Variants in PTGR3 observed in about 807,000 individuals in gnomAD.
PTGR3 encodes prostaglandin reductase 3, also known as zinc binding alcohol dehydrogenase domain containing 2.
the PTGR3 span, chr18:75,197,169 A>G: frequency 6.6e-6 from 1 of 152,204 alleles, no homozygotes; most frequent in Non-Finnish European, 1.5e-5. Flanking sequence ...ATAAAATTCA[A>G]AGTTTAAAAT....
At chr18:75,205,493 G>A in the PTGR3 span, 1 of 985,342 alleles carries the variant, frequency 1.0e-6, no homozygotes, top group Non-Finnish European at 1.2e-6. Context: ...GAATAGGACC[G>A]GCGCAGGCAT....
At chr18:75,207,447 C>A in the PTGR3 span, among the ~76,000 whole-genome samples, 5 of 152,218 alleles carry the variant, frequency 3.3e-5, no homozygotes, top group African/African-American at 4.8e-5. Flanking sequence ...CACGTGAACA[C>A]ATACTCAAGC....
chr18:75,199,985 C>T, the PTGR3 span: 286 of 152,676 alleles, frequency 1.9e-3, no homozygotes, highest in African/African-American at 6.5e-3. Context: ...ATACTAACAG[C>T]TATTCAGCAG....
At chr18:75,208,746 C>A in the PTGR3 span, 2 of 1,104,238 alleles carry the variant, frequency 1.8e-6, no homozygotes, top group Admixed American at 8.9e-5. Context: ...GAGCGCGCGC[C>A]GGAGTGTGGG....
the PTGR3 span, chr18:75,198,363 C>T: frequency 6.6e-6 from 1 of 152,196 alleles, no homozygotes; most frequent in Non-Finnish European, 1.5e-5. Flanking sequence ...CTTGTCACTG[C>T]ACTTTCATTA....
the PTGR3 span, chr18:75,200,079 A>T: frequency 3.3e-5 from 5 of 152,308 alleles, no homozygotes; most frequent in Non-Finnish European, 5.9e-5. Context: ...AATTGCGTCC[A>T]TATTTACTGA....
chr18:75,201,635 C>T, the PTGR3 span: 41 of 1,614,050 alleles, frequency 2.5e-5, no homozygotes, highest in East Asian at 9.1e-4. Flanking sequence ...GGTAATGGTT[C>T]AGGAAGAAGC....
At chr18:75,208,801 G>A in the PTGR3 span, 2 of 1,354,986 alleles carry the variant, frequency 1.5e-6, no homozygotes, top group Non-Finnish European at 1.9e-6. Context: ...GGCGCGGCGC[G>A]AGCCCGGGGC....
the PTGR3 span, chr18:75,196,363 C>CA: frequency 4.6e-5 from 7 of 152,146 alleles, no homozygotes; most frequent in African/African-American, 1.7e-4. Flanking sequence ...TATGGTGGCT[C>CA]ATGCCTGCAA....
the PTGR3 span, chr18:75,201,483 A>C: frequency 7.4e-6 from 12 of 1,614,052 alleles, no homozygotes; most frequent in Admixed American, 1.7e-4. Context: ...TCCCATGTAC[A>C]TATAATTGAC....
At chr18:75,201,684 A>G in the PTGR3 span, 1 of 1,614,172 alleles carries the variant, frequency 6.2e-7, no homozygotes. Context: ...TTTGGCTGGC[A>G]ATGTTCCTGC....
the PTGR3 span, chr18:75,196,502 T>G: frequency 6.6e-6 from 1 of 151,450 alleles, no homozygotes; most frequent in African/African-American, 2.4e-5. Flanking sequence ...CATGGTGATG[T>G]GCACCTGTAG....
At chr18:75,208,312 C>T in the PTGR3 span, 2 of 985,068 alleles carry the variant, frequency 2.0e-6, no homozygotes, top group South Asian at 4.7e-5. Flanking sequence ...GCGAGGTGCA[C>T]ACCCACACAT....
At chr18:75,199,309 C>T in the PTGR3 span, 1 of 152,602 alleles carries the variant, frequency 6.6e-6, no homozygotes, top group Non-Finnish European at 1.5e-5. Context: ...GGACTCACTT[C>T]AGTTTCGAAG....
the PTGR3 span, among the ~76,000 whole-genome samples, chr18:75,206,500 A>G: frequency 6.6e-6 from 1 of 152,376 alleles, no homozygotes; most frequent in African/African-American, 2.4e-5. Context: ...TAGGATTAAA[A>G]TGAACTAACC....
At chr18:75,205,075 G>C in the PTGR3 span, 1 of 866,006 alleles carries the variant, frequency 1.2e-6, no homozygotes, top group Admixed American at 6.2e-5. Flanking sequence ...CTGTCTCCTT[G>C]GTCTCCCTGC....
At chr18:75,205,742 G>T in the PTGR3 span, among the ~76,000 whole-genome samples, 1 of 112,930 alleles carries the variant, frequency 8.9e-6, no homozygotes, top group Admixed American at 1.0e-4. Context: ...AAGAAAGAAA[G>T]AAAAGAAAAA....
chr18:75,207,470 C>G, the PTGR3 span, among the ~76,000 whole-genome samples: 2 of 152,190 alleles, frequency 1.3e-5, no homozygotes, highest in African/African-American at 4.8e-5. Flanking sequence ...TTCTTTTTAG[C>G]TGGGCTGGGT....
the PTGR3 span, chr18:75,201,345 T>C: frequency 1.5e-6 from 2 of 1,341,310 alleles, no homozygotes; most frequent in South Asian, 1.4e-5. Context: ...TAAAAATAAA[T>C]TGATTTGAGT....
Sources: allele counts gnomAD v4.1 joint callset (sites outside exome capture counted in the v4.1 genomes callset), GRCh38; gene constraint gnomAD v4.1.1; transcripts MANE v1.5; gene names NCBI Gene and HGNC (gene_info 2026-07-23, HGNC 2026-07-21).